MYO9B: variants seen among roughly 807,000 people sequenced by gnomAD.
MYO9B encodes myosin IXB.
In MYO9B, 71 loss-of-function variants were observed where a neutral mutation model predicts 229.5. That is an observed-to-expected ratio of 0.31 (90% CI 0.26 to 0.38). MYO9B has a LOEUF of 0.38. Ranked by LOEUF, MYO9B falls within the 10% of genes least tolerant of loss-of-function variation. The probability of loss-of-function intolerance (pLI) is 1.00; values close to 1 mark genes in which losing one functional copy is unlikely to be tolerated. For missense variants in MYO9B, 2,255 were observed against 2,920.5 expected, an observed-to-expected ratio of 0.77 and a Z score of 5.25; for synonymous variants, 1,185 against 1,235.8, an observed-to-expected ratio of 0.96 and a Z score of 0.86.
chr19:17,145,512 C>T (rs756905348), intron 3 of MYO9B, 21 bp downstream of exon 3: 6 of 1,603,720 alleles, frequency 3.7e-6, no homozygotes, highest in Admixed American at 1.7e-5. Flanking sequence ...CCTGGGGTCC[C>T]CACTGGTGGG....
intron 10 of MYO9B, among the ~76,000 whole-genome samples, chr19:17,167,092 T>A (rs1289933321): frequency 6.6e-6 from 1 of 152,012 alleles, no homozygotes; most frequent in Non-Finnish European, 1.5e-5. Context: ...AATATTTATA[T>A]TATACTTACT....
intron 10 of MYO9B, 46 bp downstream of exon 10, chr19:17,163,168 G>T: frequency 6.5e-7 from 1 of 1,526,958 alleles, no homozygotes; most frequent in South Asian, 1.2e-5. Context: ...TGGTAAATCA[G>T]ACATCACGTG....
At chr19:17,139,997 C>T (rs139511280) in intron 2 of MYO9B, among the ~76,000 whole-genome samples, 12 of 150,766 alleles carry the variant, frequency 8.0e-5, no homozygotes, top group African/African-American at 2.2e-4. Context: ...GCTGAGATCG[C>T]GCCATTGCAC....
At position 17,091,162 on chromosome 19, in the gene MYO9B, G is replaced by C. The variant is rs947336062; in HGVS notation, c.-58-10498G>C. 3.9e-5 allele frequency among the ~76,000 whole-genome samples: 6 copies of C among 152,334 alleles called. 1 individual carries two copies. Among genetic ancestry groups the C allele is most frequent in the Admixed American group, 3.9e-4 (6 of 15,302 alleles). ...AAGGAGGCTCCCCAATCCAGGGAGG[G>C]AAGGATTCTTTCACAAAAGGCATGA... On this transcript the variant is annotated intron_variant, in intron 1 of 39. Coordinates refer to ENST00000682292, the MANE Select transcript of MYO9B (RefSeq NM_004145.4).
chr19:17,139,642 G>T (rs1349624681), intron 2 of MYO9B, among the ~76,000 whole-genome samples: 2 of 151,988 alleles, frequency 1.3e-5, no homozygotes, highest in Non-Finnish European at 2.9e-5. Flanking sequence ...GGAGCTTGAG[G>T]CGGGAGGATC....
At chr19:17,161,644 C>T (rs1051252339) in intron 8 of MYO9B, among the ~76,000 whole-genome samples, 5 of 151,872 alleles carry the variant, frequency 3.3e-5, no homozygotes, top group Non-Finnish European at 5.9e-5. Flanking sequence ...GGCAAAACCC[C>T]GTTTCTACTA....
chr19:17,200,910 C>T, intron 26 of MYO9B, 81 bp downstream of exon 26: 1 of 1,467,318 alleles, frequency 6.8e-7, no homozygotes, highest in Non-Finnish European at 9.4e-7. Flanking sequence ...TTTTCTGAAA[C>T]ACACAACACA....
rs759471993 is a variant in MYO9B, at chr19:17,191,207, C to T, written c.2799C>T (p.Ile933=). ...AGATAGACAAGAGGAACTACCAGAT[C>T]GGGAAGACCAAGGTCAGCGCTCCTG... ...KMKIDKRNYQ[I]GKTKVFLKET... is the part of the protein sequence containing the mutation. Residue 933 remains isoleucine, a synonymous_variant, in exon 20 of 40, where the codon ATC becomes ATT. Coordinates refer to ENST00000682292, the MANE Select transcript of MYO9B (RefSeq NM_004145.4). The T allele has an allele frequency of 1.8e-5, 29 of 1,611,660 alleles. No homozygotes were observed. The highest frequency in any genetic ancestry group is 1.6e-4 in the Middle Eastern group (1 of 6,076).
In MYO9B at chr19:17,195,747, G is replaced by T. The variant is rs555714435; in HGVS notation, c.4046+274G>T. On this transcript the variant is annotated intron_variant, in intron 22 of 39. Coordinates refer to ENST00000682292, the MANE Select transcript of MYO9B (RefSeq NM_004145.4). The surrounding 1 kb of genome is among the most constrained non-coding windows in gnomAD (Gnocchi z 4.5). ...CGGCCTTGAGAGAGGTGGCTCCTCA[G>T]GTCAAGGTCCCTGCTGCCCAGAAAT... 5.7e-4 allele frequency among the ~76,000 whole-genome samples: 87 copies of T among 152,316 alleles called. 1 individual carries two copies. The highest frequency in any genetic ancestry group is 1.9e-3 in the African/African-American group (80 of 41,576).
At chr19:17,079,316 G>C (rs549216160) in intron 1 of MYO9B, among the ~76,000 whole-genome samples, 1 of 152,242 alleles carries the variant, frequency 6.6e-6, no homozygotes, top group East Asian at 1.9e-4. Flanking sequence ...AGGAGGGAGC[G>C]GGTCTTGATA....
At chr19:17,207,437 A>T (rs1457738606) in intron 35 of MYO9B, 193 bp downstream of exon 35, 2 of 597,696 alleles carry the variant, frequency 3.3e-6, no homozygotes, top group East Asian at 3.1e-5. Context: ...GTTCGAGACC[A>T]GCCTGGGCAA....
intron 5 of MYO9B, 53 bp downstream of exon 5, chr19:17,154,119 G>C: frequency 1.9e-6 from 3 of 1,540,916 alleles, no homozygotes; most frequent in East Asian, 4.5e-5. Flanking sequence ...CCGGCCTCAA[G>C]CTGTTTATGT....
At position 17,195,622 on chromosome 19, in the gene MYO9B, C is replaced by A. The variant is rs13346427; in HGVS notation, c.4046+149C>A. On this transcript the variant is annotated intron_variant, in intron 22 of 39. Coordinates refer to ENST00000682292, the MANE Select transcript of MYO9B (RefSeq NM_004145.4). The surrounding 1 kb of genome is among the most constrained non-coding windows in gnomAD (Gnocchi z 4.5). ...GAGGGAGGAGGACGAGCAGGACATG[C>A]TAAAGACCAAGTGAAGACAAGGCAG... 1,154 of 1,094,538 alleles carry A rather than the reference C, an allele frequency of 1.1e-3. 13 individuals are homozygous for A. In the African/African-American group the frequency reaches 0.016, roughly 16 times the overall value. 67.8% of individuals were successfully genotyped at this position (1,094,538 alleles called of 1,614,324 possible).
In MYO9B at chr19:17,173,987, C is replaced by T. The variant is rs150836453; in HGVS notation, c.2140+1024C>T. ...GGGGATCCAAAACTTCACAGTTACC[C>T]ACCCAACTTTGCCCCAAACTTGAGT... is the stretch of plus-strand genomic sequence containing the variant. On this transcript the variant is annotated intron_variant, in intron 13 of 39. Transcript: ENST00000682292. 4.9e-3 allele frequency among the ~76,000 whole-genome samples: 732 copies of T among 150,888 alleles called. 3 individuals are homozygous for T. The highest frequency in any genetic ancestry group is 0.017 in the African/African-American group (707 of 40,992).
At chr19:17,105,990 C>T (rs1296115812) in intron 2 of MYO9B, among the ~76,000 whole-genome samples, 1 of 149,144 alleles carries the variant, frequency 6.7e-6, no homozygotes, top group African/African-American at 2.5e-5. Flanking sequence ...CCTCTCCCCT[C>T]CCCTCTCCTC....
intron 9 of MYO9B, 33 bp downstream of exon 9, chr19:17,162,499 C>G: frequency 1.3e-6 from 2 of 1,512,674 alleles, no homozygotes; most frequent in Non-Finnish European, 1.8e-6. Flanking sequence ...TCAAGCCCGG[C>G]CAGGGGAGGC....
Position 17,209,508 on chromosome 19 carries a change from C to T in MYO9B, c.5625-78C>T, listed in dbSNP as rs187347456. On this transcript the variant is annotated intron_variant, in intron 35 of 39. Transcript: ENST00000682292. ...AGCCTCAACCACTGCCCCCCAGGCA[C>T]CAGCTAGCATCTCCCTGGACCTCAG... 1,960 of 1,472,498 alleles carry T rather than the reference C, an allele frequency of 1.3e-3. 8 individuals carry two copies. Among genetic ancestry groups the T allele is most frequent in the Non-Finnish European group, 1.0e-3 (1,100 of 1,093,376 alleles). 91.2% of individuals were successfully genotyped at this position (1,472,498 alleles called of 1,614,324 possible).
At chr19:17,147,799 C>T (rs2072431676) in intron 3 of MYO9B, among the ~76,000 whole-genome samples, 4 of 110,806 alleles carry the variant, frequency 3.6e-5, no homozygotes, top group Middle Eastern at 4.3e-3. Flanking sequence ...GATTCTCCTG[C>T]CTCAGCTCGA....
intron 14 of MYO9B, chr19:17,180,598 C>CA (rs2072848165): frequency 5.8e-6 from 1 of 172,658 alleles, no homozygotes; most frequent in African/African-American, 2.4e-5. Context: ...GATCCACCCG[C>CA]CTCGGCCTCT....
Sources: allele counts gnomAD v4.1 joint callset (sites outside exome capture counted in the v4.1 genomes callset), GRCh38; gene constraint gnomAD v4.1.1; non-coding constraint Gnocchi (gnomAD v3.1); transcripts MANE v1.5; gene names NCBI Gene and HGNC (gene_info 2026-07-23, HGNC 2026-07-21).